The following CCDC7 variants were observed in gnomAD, a reference collection of about 807,000 sequenced individuals.
CCDC7 encodes coiled-coil domain-containing protein 7.
A neutral mutation model predicts 196.9 loss-of-function variants in CCDC7; 183 were observed. The observed-to-expected ratio is 0.93, with a 90% confidence interval of 0.82 to 1.05. The LOEUF is 1.05. CCDC7 is among the 50% of genes least tolerant of loss of function. The pLI is 0.00. For synonymous variants in CCDC7, 525 were observed against 484.6 expected (o/e 1.08, Z -1.10); for missense variants, 1,540 against 1,482.2 (o/e 1.04, Z -0.64).
At position 32,535,698 on chromosome 10, in the gene CCDC7, G is replaced by A. The variant is rs1366420397; in HGVS notation, c.994-7602G>A. ...CCCTTAGAAACAATAGATAGCAAATGTTTCCTGTTTAGACCTTTAAGAGGT... is the reference window on the plus strand; with the variant it reads ...CCCTTAGAAACAATAGATAGCAAATATTTCCTGTTTAGACCTTTAAGAGGT... On this transcript the variant is annotated intron_variant, in intron 11 of 41. Transcript: ENST00000639629. Among the ~76,000 whole-genome samples the A allele has an allele frequency of 4.6e-5, 7 of 152,126 alleles. No individual in the cohort carries two copies. The East Asian group carries it at 1.3e-3, about 29-fold the overall frequency.
chr10:32,617,038 A>T (rs2062855379), intron 18 of CCDC7, among the ~76,000 whole-genome samples: 1 of 151,760 alleles, frequency 6.6e-6, no homozygotes, highest in Non-Finnish European at 1.5e-5. Flanking sequence ...ATGTTTCCAG[A>T]AATTTATTTA....
chr10:32,739,245 T>C (rs2085404123), intron 28 of CCDC7, among the ~76,000 whole-genome samples: 1 of 152,062 alleles, frequency 6.6e-6, no homozygotes, highest in South Asian at 2.1e-4. Flanking sequence ...GTTTGCTTTT[T>C]CTCCTTCTGT....
intron 28 of CCDC7, among the ~76,000 whole-genome samples, chr10:32,749,679 A>G (rs2075367495): frequency 6.6e-6 from 1 of 152,208 alleles, no homozygotes; most frequent in Non-Finnish European, 1.5e-5. Flanking sequence ...GTGAACTACA[A>G]AAGTATCTCT....
chr10:32,719,922 G>T (rs1051572883), intron 25 of CCDC7, among the ~76,000 whole-genome samples: 4 of 152,172 alleles, frequency 2.6e-5, no homozygotes, highest in African/African-American at 9.7e-5. Flanking sequence ...CTGTTGATGG[G>T]AGTGTAAATT....
chr10:32,836,757 T>C (rs1374785782), intron 33 of CCDC7, among the ~76,000 whole-genome samples: 2 of 152,174 alleles, frequency 1.3e-5, no homozygotes, highest in Admixed American at 1.3e-4. Context: ...TTGTTTGAGT[T>C]CATTGTATGT....
intron 30 of CCDC7, among the ~76,000 whole-genome samples, chr10:32,812,308 G>A (rs2087337485): frequency 6.6e-6 from 1 of 151,756 alleles, no homozygotes; most frequent in Admixed American, 6.6e-5. Context: ...AAATAAGAAG[G>A]TTAATATAAT....
chr10:32,850,774 A>AACACACACAC lies in CCDC7; in HGVS notation c.3896-997_3896-988dup, dbSNP rs59662474. Among the ~76,000 whole-genome samples, 414 of 146,802 alleles carry AACACACACAC rather than the reference A, an allele frequency of 2.8e-3. 3 individuals carry two copies. Among genetic ancestry groups the AACACACACAC allele is most frequent in the African/African-American group, 8.1e-3 (315 of 39,056 alleles). The stretch of plus-strand genomic sequence containing the variant: ...TTTTGAAATGTCACTTGTCTCTGAC[A>AACACACACAC]ACACACACACACACACACACACACA... On this transcript the variant is annotated intron_variant, in intron 39 of 41. Transcript: ENST00000639629.
At chr10:32,698,576 AT>A (rs1032706924) in intron 24 of CCDC7, among the ~76,000 whole-genome samples, 1 of 152,208 alleles carries the variant, frequency 6.6e-6, no homozygotes, top group Non-Finnish European at 1.5e-5. Flanking sequence ...TCAGTAGCCA[AT>A]TCAGTCAAGT....
At chr10:32,490,658 G>A (rs1307383794) in intron 8 of CCDC7, among the ~76,000 whole-genome samples, 1 of 152,066 alleles carries the variant, frequency 6.6e-6, no homozygotes, top group African/African-American at 2.4e-5. Context: ...TTACCTGGGT[G>A]TGGTGGTGGG....
At chr10:32,713,244 A>G (rs2081096125) in intron 25 of CCDC7, among the ~76,000 whole-genome samples, 1 of 152,240 alleles carries the variant, frequency 6.6e-6, no homozygotes, top group Admixed American at 6.5e-5. Context: ...CTCAGATTAA[A>G]AACTAGAAAG....
chr10:32,793,230 G>C (rs954059806), intron 29 of CCDC7, among the ~76,000 whole-genome samples: 1 of 152,146 alleles, frequency 6.6e-6, no homozygotes, highest in East Asian at 1.9e-4. Flanking sequence ...TCCATTGGAA[G>C]ATTACATAAT....
intron 39 of CCDC7, among the ~76,000 whole-genome samples, chr10:32,851,495 G>T (rs1187374921): frequency 6.6e-6 from 1 of 152,026 alleles, no homozygotes; most frequent in Non-Finnish European, 1.5e-5. Context: ...AATGTTCTTT[G>T]TGCACTTGAG....
chr10:32,856,120 C>G (rs753983606), intron 41 of CCDC7, among the ~76,000 whole-genome samples: 1 of 152,136 alleles, frequency 6.6e-6, no homozygotes, highest in African/African-American at 2.4e-5. Context: ...TACTTTAAAA[C>G]TCTTAGAAGA....
chr10:32,734,482 A>G (rs938154353), intron 28 of CCDC7, among the ~76,000 whole-genome samples: 3 of 152,170 alleles, frequency 2.0e-5, no homozygotes, highest in African/African-American at 4.8e-5. Flanking sequence ...AAAGGTAACT[A>G]TTGGGTATTG....
chr10:32,850,449 A>T (rs932879377), intron 39 of CCDC7, among the ~76,000 whole-genome samples: 2 of 152,212 alleles, frequency 1.3e-5, no homozygotes, highest in South Asian at 4.1e-4. Flanking sequence ...CTCTGCTCAC[A>T]TTCATTTACT....
At chr10:32,733,709 T>C (rs1393589817) in intron 28 of CCDC7, among the ~76,000 whole-genome samples, 2 of 152,162 alleles carry the variant, frequency 1.3e-5, no homozygotes, top group African/African-American at 4.8e-5. Flanking sequence ...TTTCTCCCAC[T>C]GTGATTATGG....
At chr10:32,744,014 G>A (rs1165532437) in intron 28 of CCDC7, among the ~76,000 whole-genome samples, 1 of 150,490 alleles carries the variant, frequency 6.6e-6, no homozygotes, top group East Asian at 2.0e-4. Context: ...GGGAGGGATA[G>A]CATTAGGAGA....
At chr10:32,675,414 A>G (rs556308708) in intron 21 of CCDC7, among the ~76,000 whole-genome samples, 1 of 152,090 alleles carries the variant, frequency 6.6e-6, no homozygotes, top group Non-Finnish European at 1.5e-5. Flanking sequence ...TTACATTTTT[A>G]TTCCACCCCC....
At chr10:32,594,886 C>T (rs1000361914) in intron 18 of CCDC7, among the ~76,000 whole-genome samples, 1 of 152,178 alleles carries the variant, frequency 6.6e-6, no homozygotes, top group Non-Finnish European at 1.5e-5. Context: ...AGCCTTGCAT[C>T]CCAGGGATGA....
Sources: allele counts gnomAD v4.1 joint callset (sites outside exome capture counted in the v4.1 genomes callset), GRCh38; gene constraint gnomAD v4.1.1; transcripts MANE v1.5; gene names NCBI Gene and HGNC (gene_info 2026-07-23, HGNC 2026-07-21).